USP33: variants seen among roughly 807,000 people sequenced by gnomAD.
USP33 encodes ubiquitin carboxyl-terminal hydrolase 33.
Under a neutral mutation model 124.2 loss-of-function variants are expected in USP33, and 46 were observed. The ratio of observed to expected loss-of-function variants is 0.37; its 90% CI spans 0.29 to 0.47. The LOEUF (loss-of-function observed/expected upper bound fraction) is 0.47. Among genes scored for constraint, USP33 ranks in the 20% least tolerant of loss-of-function variants. The pLI is 0.99. For synonymous variants in USP33, 350 were observed against 352.3 expected (o/e 0.99, Z 0.07); for missense variants, 851 against 1,070.6 (o/e 0.79, Z 2.86).
chr1:77,737,649 T>C (rs764978224), intron 5 of USP33, among the ~76,000 whole-genome samples: 43 of 152,266 alleles, frequency 2.8e-4, no homozygotes, highest in Admixed American at 5.9e-4. Flanking sequence ...AAATTAAGTT[T>C]ATGCCTTTTA....
chr1:77,750,293 G>C (rs1268962491), intron 1 of USP33, among the ~76,000 whole-genome samples: 1 of 151,814 alleles, frequency 6.6e-6, no homozygotes, highest in African/African-American at 2.4e-5. Flanking sequence ...ACACCAGCCT[G>C]GGCAACAGAG....
chr1:77,697,695 C>A, intron 23 of USP33, 168 bp downstream of exon 23: 1 of 893,968 alleles, frequency 1.1e-6, no homozygotes, highest in African/African-American at 1.7e-5. Flanking sequence ...GCCTTAAGAC[C>A]TTTCCTCAGA....
intron 15 of USP33, among the ~76,000 whole-genome samples, chr1:77,718,963 T>C (rs545184689): frequency 6.9e-6 from 1 of 144,026 alleles, no homozygotes; most frequent in African/African-American, 2.6e-5. Context: ...AGAAAGAAAA[T>C]GCAGAGACAA....
rs1323350825 is a variant in USP33, at chr1:77,730,745, G to A, written c.525-14C>T. The A allele has an allele frequency of 1.9e-6, 3 of 1,546,050 alleles. No individual in the cohort carries two copies. The highest frequency in any genetic ancestry group is 2.6e-6 in the Non-Finnish European group (3 of 1,143,012). On this transcript the variant is annotated splice_polypyrimidine_tract_variant and intron_variant, in intron 7 of 23. Coordinates refer to ENST00000370794, the MANE Select transcript of USP33 (RefSeq NM_201624.3). ...GTCAAAGGTGGGCTAATTTTAAAAA[G>A]AGAAAAATGTTAGAGTGGAGTCAAA...
chr1:77,739,384 T>C lies in USP33; in HGVS notation c.232A>G (p.Thr78Ala), dbSNP rs760826110. 3 of 1,612,842 alleles carry C rather than the reference T, an allele frequency of 1.9e-6. No individual in the cohort carries two copies. The highest frequency in any genetic ancestry group is 1.1e-5 in the South Asian group (1 of 90,776). ...CAAGCATAACACCATACTCGAAGAGTGGTAAGGTTCACAGTTAGATAATGC... is the reference window on the plus strand; with the variant it reads ...CAAGCATAACACCATACTCGAAGAGCGGTAAGGTTCACAGTTAGATAATGC... Reference protein sequence around the residue: ...TKHYLTVNLTTLRVWCYACSK... With the variant: ...TKHYLTVNLTALRVWCYACSK... Residue 78 changes from threonine (T) to alanine (A), a missense_variant, in exon 5 of 24, where the codon ACT (threonine) becomes GCT (alanine). Coordinates refer to ENST00000370794, the MANE Select transcript of USP33 (RefSeq NM_201624.3).
chr1:77,722,440 G>A, intron 12 of USP33: 1 of 334,938 alleles, frequency 3.0e-6, no homozygotes, highest in Admixed American at 4.6e-5. Context: ...AGTAGTATTA[G>A]CATCCCCATT....
In USP33 at chr1:77,701,424, G is replaced by A. The variant is rs754275173; in HGVS notation, c.2454C>T (p.Cys818=). The change falls in exon 22 of 24, where the codon TGC becomes TGT. Residue 818 remains cysteine (C), a synonymous_variant. Transcript: ENST00000370794. ...ATTCTCTAAACCACTGCATACTGAT[G>A]CAATAAAAAGTAGCTGGAGAGTCCT... ...QKEDSPATFY[C]ISMQWFREWE... 4.3e-6 allele frequency: 7 copies of A among 1,613,088 alleles called. No individual in the cohort carries two copies. The highest frequency in any genetic ancestry group is 1.1e-5 in the South Asian group (1 of 90,922).
rs1328022823 is a variant in USP33 at position 77,717,858 on chromosome 1, T to C, written c.1918+9A>G. ...AATCTAGGAACAACTGTTAAACCTA[T>C]ATACTTACTACTTGCAGTTCCATGA... On this transcript the variant is annotated intron_variant, in intron 17 of 23. Transcript: ENST00000370794. The C allele has an allele frequency of 2.5e-6, 4 of 1,605,096 alleles. No homozygotes were observed. The highest frequency in any genetic ancestry group is 2.2e-5 in the East Asian group (1 of 44,754).
At chr1:77,751,536 A>G (rs1364841735) in intron 1 of USP33, among the ~76,000 whole-genome samples, 1 of 152,102 alleles carries the variant, frequency 6.6e-6, no homozygotes, top group Non-Finnish European at 1.5e-5. Context: ...ATGCCCCTGC[A>G]GTCCCAGCTA....
At chr1:77,701,824 C>T (rs138311875) in intron 21 of USP33, among the ~76,000 whole-genome samples, 4,580 of 151,994 alleles carry the variant, frequency 0.03, 85 homozygotes, top group Non-Finnish European at 0.044. Context: ...TGCCTGCCAC[C>T]GCACCTGGCT....
At chr1:77,697,970 T>C in intron 22 of USP33, 39 bp from the exon 23 acceptor site, 1 of 1,564,116 alleles carries the variant, frequency 6.4e-7, no homozygotes, top group Non-Finnish European at 8.7e-7. Context: ...TTCAAAGAAA[T>C]GTAACAAAAA....
chr1:77,720,523 T>C, intron 15 of USP33: 1 of 985,458 alleles, frequency 1.0e-6, no homozygotes, highest in Non-Finnish European at 1.2e-6. Flanking sequence ...ATGTTTCCTT[T>C]AGGTTACTGC....
In USP33 at chr1:77,695,994, T is replaced by C. The variant is rs1456192226; in HGVS notation, c.*1323A>G. On this transcript the variant is annotated 3_prime_UTR_variant, in exon 24 of 24. Coordinates refer to ENST00000370794, the MANE Select transcript of USP33 (RefSeq NM_201624.3). The stretch of plus-strand genomic sequence containing the variant: ...ATAAATTCAACATTCAAGTTTTACA[T>C]TTTAAAGACATTTTTATTGAGCTAA... The C allele has an allele frequency of 6.6e-6, 1 of 152,232 alleles. No homozygotes were observed. The highest frequency in any genetic ancestry group is 2.4e-5 in the African/African-American group (1 of 41,468). 9.4% of individuals were successfully genotyped at this position (152,232 alleles called of 1,614,324 possible).
intron 13 of USP33, 42 bp downstream of exon 13, chr1:77,721,982 C>T (rs759557038): frequency 1.1e-5 from 18 of 1,602,902 alleles, no homozygotes; most frequent in African/African-American, 6.7e-5. Context: ...GCAGAAACAG[C>T]AGGTTTAACA....
chr1:77,723,185 CA>C (rs147525118), intron 12 of USP33, 145 bp downstream of exon 12: 20,897 of 679,620 alleles, frequency 0.031, 430 homozygotes, highest in Middle Eastern at 0.085. Flanking sequence ...CACCTAGAAT[CA>C]AATTTGTGTT....
At chr1:77,700,962 CT>C (rs1211801862) in intron 22 of USP33, among the ~76,000 whole-genome samples, 12 of 152,140 alleles carry the variant, frequency 7.9e-5, no homozygotes, top group Non-Finnish European at 1.3e-4. Context: ...GCCTCCCAAA[CT>C]TTTGGGATTA....
At chr1:77,747,186 C>T (rs1679825619) in intron 1 of USP33, among the ~76,000 whole-genome samples, 1 of 139,446 alleles carries the variant, frequency 7.2e-6, no homozygotes, top group Non-Finnish European at 1.5e-5. Context: ...GCATCACTGT[C>T]AAAAATCATT....
At chr1:77,746,247 T>C (rs2101581016) in intron 1 of USP33, among the ~76,000 whole-genome samples, 1 of 152,228 alleles carries the variant, frequency 6.6e-6, no homozygotes, top group South Asian at 2.1e-4. Flanking sequence ...GAGAATACTA[T>C]AAACACCTCT....
rs1678855645 is a variant in USP33, at chr1:77,739,364, A to G, written c.252T>C (p.Tyr84=). The G allele has an allele frequency of 1.9e-6, 3 of 1,613,920 alleles. No individual in the cohort carries two copies. Among genetic ancestry groups the G allele is most frequent in the Non-Finnish European group, 2.5e-6 (3 of 1,179,928 alleles). ...VNLTTLRVWC[Y]ACSKEVFLDR... ...CCAAAAATACTTCTTTGCTGCAAGCATAACACCATACTCGAAGAGTGGTAA... is the reference window on the plus strand; with the variant it reads ...CCAAAAATACTTCTTTGCTGCAAGCGTAACACCATACTCGAAGAGTGGTAA... Residue 84 remains tyrosine (Y), a synonymous_variant, in exon 5 of 24, where the codon TAT becomes TAC. Transcript: ENST00000370794.
Sources: gnomAD v4.1 joint callset for allele counts (sites outside exome capture counted in the v4.1 genomes callset) on GRCh38, gnomAD v4.1.1 for gene constraint, MANE v1.5 for transcripts, NCBI Gene and HGNC (gene_info 2026-07-23, HGNC 2026-07-21) for gene names.